Variants in FAM228A observed in about 807,000 individuals in gnomAD.
The protein encoded by FAM228A is family with sequence similarity 228 member A, also known as protein FAM228A.
A neutral mutation model predicts 18.6 loss-of-function variants in FAM228A; 13 were observed. The ratio of observed to expected loss-of-function variants is 0.70; its 90% CI spans 0.45 to 1.11. The LOEUF (loss-of-function observed/expected upper bound fraction) is 1.11. Ranked by LOEUF, FAM228A falls within the 50% of genes least tolerant of loss-of-function variation. The pLI is 0.00. For missense variants in FAM228A, 240 were observed against 242.2 expected, an observed-to-expected ratio of 0.99 and a Z score of 0.06; for synonymous variants, 77 against 86.6, an observed-to-expected ratio of 0.89 and a Z score of 0.61.
At chr2:24,186,878 C>T (rs979815845) in intron 5 of FAM228A, among the ~76,000 whole-genome samples, 16 of 152,152 alleles carry the variant, frequency 1.1e-4, no homozygotes, top group Non-Finnish European at 1.6e-4. Flanking sequence ...TCAAGTGATC[C>T]GCTCACCTTG....
At chr2:24,188,595 C>T (rs745762707) in intron 5 of FAM228A, 5 of 985,242 alleles carry the variant, frequency 5.1e-6, no homozygotes, top group African/African-American at 1.7e-5. Context: ...GACAAAAATC[C>T]ACCAAAGATG....
At chr2:24,181,898 T>C (rs546835725) in intron 3 of FAM228A, among the ~76,000 whole-genome samples, 2 of 152,138 alleles carry the variant, frequency 1.3e-5, no homozygotes, top group Non-Finnish European at 2.9e-5. Context: ...TCCTGTGGAA[T>C]TTACACTGTG....
chr2:24,176,027 A>G, intron 2 of FAM228A: 1 of 988,772 alleles, frequency 1.0e-6, no homozygotes, highest in Non-Finnish European at 1.2e-6. Context: ...ATGTGTGTGC[A>G]CAGAAAGCTG....
intron 3 of FAM228A, among the ~76,000 whole-genome samples, chr2:24,182,547 A>C (rs1017440934): frequency 3.9e-5 from 6 of 152,070 alleles, no homozygotes; most frequent in African/African-American, 1.4e-4. Context: ...GTATGTCCCT[A>C]CCCTTTGACA....
In FAM228A at chr2:24,183,547, T is replaced by C. The variant is rs1013720351; in HGVS notation, c.303T>C (p.His101=). The C allele has an allele frequency of 6.2e-7, 1 of 1,614,092 alleles. No homozygotes were observed. Among genetic ancestry groups the C allele is most frequent in the Non-Finnish European group, 8.5e-7 (1 of 1,179,950 alleles). The change falls in exon 5 of 6, where the codon CAT becomes CAC. Residue 101 remains histidine, a synonymous_variant. Coordinates refer to ENST00000295150, the MANE Select transcript of FAM228A (RefSeq NM_001040710.3). ...AAGAAATAGAGAAGGCCAGGCTGCA[T>C]GCCAGCTCGCCCTACTTCACTTTCA... ...ELEEIEKARL[H]ASSPYFTFTS...
chr2:24,178,458 CA>C (rs1667743602), intron 3 of FAM228A, among the ~76,000 whole-genome samples: 1 of 152,088 alleles, frequency 6.6e-6, no homozygotes. Flanking sequence ...CCTGTAGTCC[CA>C]GCTACTCAGG....
Position 24,190,723 on chromosome 2 carries a change from TGGC to T in FAM228A, c.*95_*97del. ...GGGTGTGAAGAGGAGGAGGGAGAAA[TGGC>T]GGTGGCCTCAGGCTCAGCACTGCAG... On this transcript the variant is annotated 3_prime_UTR_variant, in exon 6 of 6. Coordinates refer to ENST00000295150, the MANE Select transcript of FAM228A (RefSeq NM_001040710.3). 2 of 1,436,022 alleles carry T rather than the reference TGGC, an allele frequency of 1.4e-6. No individual in the cohort carries two copies. Among genetic ancestry groups the T allele is most frequent in the Non-Finnish European group, 1.8e-6 (2 of 1,092,558 alleles). The allele number at this position is 1,436,022 out of a possible 1,614,324, so 89.0% of individuals were successfully genotyped here.
chr2:24,186,945 A>G (rs1667963280), intron 5 of FAM228A, among the ~76,000 whole-genome samples: 1 of 152,248 alleles, frequency 6.6e-6, no homozygotes, highest in Non-Finnish European at 1.5e-5. Context: ...CGCCTGTGGA[A>G]AATTACACTG....
intron 2 of FAM228A, 40 bp from the exon 3 acceptor site, chr2:24,177,762 T>C: frequency 8.4e-7 from 1 of 1,194,234 alleles, no homozygotes; most frequent in Non-Finnish European, 1.2e-6. Context: ...AGTTTGTTTC[T>C]TCAGGATTCA....
chr2:24,183,807 A>G (rs1303798964), intron 5 of FAM228A, among the ~76,000 whole-genome samples, 162 bp downstream of exon 5: 4 of 152,318 alleles, frequency 2.6e-5, no homozygotes, highest in Admixed American at 2.6e-4. Context: ...AGGACAGAAT[A>G]AAACATAAAC....
At chr2:24,186,784 G>A (rs545627130) in intron 5 of FAM228A, among the ~76,000 whole-genome samples, 13 of 151,802 alleles carry the variant, frequency 8.6e-5, no homozygotes, top group East Asian at 5.8e-4. Context: ...GATTATAGGC[G>A]CCCACCACCA....
chr2:24,189,908 C>G (rs954737784), intron 5 of FAM228A, among the ~76,000 whole-genome samples: 2 of 152,014 alleles, frequency 1.3e-5, no homozygotes, highest in African/African-American at 4.8e-5. Flanking sequence ...CCAGGCTGCT[C>G]GGGGGACGGA....
rs1667988065 is a variant in FAM228A at position 24,187,917 on chromosome 2, A to G, written c.402-2495A>G. Among the ~76,000 whole-genome samples, 4 of 152,020 alleles carry G rather than the reference A, an allele frequency of 2.6e-5. No homozygotes were observed. The South Asian group carries it at 8.3e-4, about 32-fold the overall frequency. On this transcript the variant is annotated intron_variant, in intron 5 of 5. Coordinates refer to ENST00000295150, the MANE Select transcript of FAM228A (RefSeq NM_001040710.3). ...TTTTGTAGTTTTATGTGATGTTTCTAGATGTGGATTTCTTTTTATTTATCC... is the reference window on the plus strand; with the variant it reads ...TTTTGTAGTTTTATGTGATGTTTCTGGATGTGGATTTCTTTTTATTTATCC...
At chr2:24,181,670 G>A (rs1486808375) in intron 3 of FAM228A, among the ~76,000 whole-genome samples, 2 of 152,174 alleles carry the variant, frequency 1.3e-5, no homozygotes, top group African/African-American at 4.8e-5. Context: ...ACAGGTGTGA[G>A]CCACTGTGCC....
intron 3 of FAM228A, among the ~76,000 whole-genome samples, chr2:24,178,820 C>G (rs929936704): frequency 6.6e-6 from 1 of 152,132 alleles, no homozygotes; most frequent in Non-Finnish European, 1.5e-5. Context: ...GAAAAAGAAA[C>G]AAGAGTTTCA....
intron 3 of FAM228A, among the ~76,000 whole-genome samples, chr2:24,180,481 TA>T (rs772392651): frequency 2.0e-5 from 3 of 152,132 alleles, no homozygotes; most frequent in Non-Finnish European, 2.9e-5. Flanking sequence ...CATTTAAGTA[TA>T]TTTACTGAGC....
At chr2:24,176,258 C>A in intron 2 of FAM228A, 2 of 923,802 alleles carry the variant, frequency 2.2e-6, no homozygotes, top group Non-Finnish European at 2.6e-6. Flanking sequence ...TTCTGCTTCT[C>A]CAAATAAATA....
chr2:24,181,460 C>G (rs1423064090), intron 3 of FAM228A, among the ~76,000 whole-genome samples: 1 of 152,198 alleles, frequency 6.6e-6, no homozygotes, highest in Admixed American at 6.5e-5. Flanking sequence ...TCTTGGCTTA[C>G]TGCAACTTCT....
intron 2 of FAM228A, among the ~76,000 whole-genome samples, chr2:24,176,638 A>G (rs543842891): frequency 1.3e-5 from 2 of 152,378 alleles, no homozygotes; most frequent in African/African-American, 2.4e-5. Context: ...ATGTGAAGCT[A>G]TTAAATATGT....
Sources: gnomAD v4.1 joint callset for allele counts (sites outside exome capture counted in the v4.1 genomes callset) on GRCh38, gnomAD v4.1.1 for gene constraint, MANE v1.5 for transcripts, NCBI Gene and HGNC (gene_info 2026-07-23, HGNC 2026-07-21) for gene names.